The following THOC2 variants were observed in gnomAD, a reference collection of about 807,000 sequenced individuals.
THOC2 encodes the protein THO complex 2.
THOC2 carries 10 observed loss-of-function variants against 128.4 expected under a neutral mutation model. The ratio of observed to expected loss-of-function variants is 0.08; its 90% CI spans 0.05 to 0.13. THOC2 has a LOEUF of 0.13. Among genes scored for constraint, THOC2 ranks in the 10% least tolerant of loss-of-function variants. The pLI, the probability that THOC2 is intolerant of heterozygous loss-of-function variation, is 1.00. For synonymous variants in THOC2, 393 were observed against 396.9 expected (o/e 0.99, Z 0.12); for missense variants, 535 against 1,155.7 (o/e 0.46, Z 7.79).
chrX:123,667,272 C>A lies in THOC2; in HGVS notation c.1024G>T (p.Asp342Tyr). 2 of 1,193,277 alleles carry A rather than the reference C, an allele frequency of 1.7e-6. No homozygotes were observed. The highest frequency in any genetic ancestry group is 2.3e-6 in the Non-Finnish European group (2 of 886,490). ...TCCAACAAGCCAAGTTTTTGGTTATCAGGTGGCTAAAAATGAATAGTCAAA... is the reference window on the plus strand; with the variant it reads ...TCCAACAAGCCAAGTTTTTGGTTATAAGGTGGCTAAAAATGAATAGTCAAA... ...KEEEKVEKPP[D>Y]NQKLGLLEAL... is the part of the protein sequence containing the mutation. Residue 342 changes from aspartate to tyrosine, a missense_variant, in exon 11 of 39, where the codon GAT becomes TAT. Physicochemically the swap from Asp to Tyr is radical, Grantham distance 160 (BLOSUM62 -3). This residue lies in a region of THOC2 where 197 missense variants were observed against 313.4 expected (regional missense o/e 0.63). Transcript: ENST00000245838.
At chrX:123,638,723 CACGT>C (rs1213148945) in intron 17 of THOC2, among the ~76,000 whole-genome samples, 2 of 102,825 alleles carry the variant, frequency 1.9e-5, no homozygotes, top group African/African-American at 7.5e-5. Context: ...CAAAGACACA[CACGT>C]ACACACACAC....
intron 8 of THOC2, among the ~76,000 whole-genome samples, chrX:123,683,600 C>CTT (rs1167414661): frequency 6.0e-5 from 6 of 99,750 alleles, no homozygotes; most frequent in African/African-American, 1.5e-4. Context: ...AATGACAAGA[C>CTT]TTTTTTTTTT....
At chrX:123,652,244 A>C (rs964727986) in intron 12 of THOC2, among the ~76,000 whole-genome samples, 1 of 111,804 alleles carries the variant, frequency 8.9e-6, no homozygotes, top group African/African-American at 3.3e-5. Flanking sequence ...CTTCATGCTA[A>C]AAACTCTCAA....
intron 7 of THOC2, among the ~76,000 whole-genome samples, 174 bp downstream of exon 7, chrX:123,695,847 C>T (rs1162231812): frequency 1.8e-5 from 2 of 110,459 alleles, no homozygotes; most frequent in African/African-American, 3.3e-5. Context: ...AAATATCATG[C>T]TAAATTTTAT....
chrX:123,644,819 C>T lies in THOC2; in HGVS notation c.1519G>A (p.Glu507Lys). 1 of 1,203,968 alleles carries T rather than the reference C, an allele frequency of 8.3e-7. No individual in the cohort carries two copies. Among genetic ancestry groups the T allele is most frequent in the Non-Finnish European group, 1.1e-6 (1 of 889,338 alleles). ...LMDCNACMSE[E>K]LWGMFKTFPY... Reference sequence around the variant, plus strand: ...AATGTTTTAAACATTCCCCATAGTTCCTCAGACATACAAGCATTGCAGTCC... The same window carrying T: ...AATGTTTTAAACATTCCCCATAGTTTCTCAGACATACAAGCATTGCAGTCC... The change falls in exon 14 of 39, where the codon GAA becomes AAA. Residue 507 changes from glutamate (E) to lysine (K), a missense_variant. Physicochemically the swap from Glu to Lys is moderately conservative, Grantham distance 56 (BLOSUM62 1). This residue lies in a region of THOC2 where 197 missense variants were observed against 313.4 expected (regional missense o/e 0.63). Coordinates refer to ENST00000245838, the MANE Select transcript of THOC2 (RefSeq NM_001081550.2).
At chrX:123,609,249 T>A (rs1297586966) in intron 38 of THOC2, among the ~76,000 whole-genome samples, 1 of 112,229 alleles carries the variant, frequency 8.9e-6, no homozygotes, top group East Asian at 2.8e-4. Flanking sequence ...AAGATAGTTG[T>A]AAGGTTGGGA....
At chrX:123,619,559 G>T in intron 32 of THOC2, 123 bp from the exon 33 acceptor site, 1 of 724,602 alleles carries the variant, frequency 1.4e-6, no homozygotes, top group Non-Finnish European at 2.1e-6. Context: ...TAAATTTCAT[G>T]ATGTCATTAT....
At chrX:123,668,557 TC>T (rs753943380) in intron 9 of THOC2, among the ~76,000 whole-genome samples, 1 of 111,915 alleles carries the variant, frequency 8.9e-6, no homozygotes, top group African/African-American at 3.2e-5. Context: ...TCTGACAGAG[TC>T]CCTAAAGTAA....
chrX:123,615,662 C>T (rs865886952), intron 33 of THOC2, among the ~76,000 whole-genome samples: 4 of 106,902 alleles, frequency 3.7e-5, no homozygotes, highest in South Asian at 3.9e-4. Context: ...AAAATACACA[C>T]ACACACACAC....
intron 2 of THOC2, among the ~76,000 whole-genome samples, chrX:123,709,250 A>G (rs891540779): frequency 8.9e-6 from 1 of 112,069 alleles, no homozygotes; most frequent in African/African-American, 3.2e-5. Context: ...AAAATTCAAT[A>G]AAATATTTTA....
chrX:123,629,206 AACAC>A (rs754562050), intron 22 of THOC2, among the ~76,000 whole-genome samples: 1,577 of 81,932 alleles, frequency 0.019, 40 homozygotes, highest in African/African-American at 0.057. Flanking sequence ...ATTATACATG[AACAC>A]ACACACACAC....
intron 1 of THOC2, among the ~76,000 whole-genome samples, chrX:123,724,268 A>C (rs951392405): frequency 2.8e-4 from 31 of 111,931 alleles, no homozygotes; most frequent in Non-Finnish European, 9.4e-5. Context: ...GTGCCTTCTG[A>C]TTATGTCAAT....
intron 1 of THOC2, 107 bp downstream of exon 1, chrX:123,732,844 TG>T: frequency 1.1e-6 from 1 of 871,996 alleles, no homozygotes; most frequent in Non-Finnish European, 1.7e-6. Flanking sequence ...GCCGCCCGGG[TG>T]GGGGAGGGGG....
chrX:123,638,873 A>G (rs961360018), intron 17 of THOC2, 61 bp downstream of exon 17: 7 of 703,211 alleles, frequency 1.0e-5, no homozygotes, highest in East Asian at 7.0e-5. Flanking sequence ...ATGAAAATAA[A>G]ACGTTTACCA....
chrX:123,642,697 A>C (rs2047973050), intron 15 of THOC2, among the ~76,000 whole-genome samples: 1 of 109,694 alleles, frequency 9.1e-6, no homozygotes, highest in Non-Finnish European at 1.9e-5. Flanking sequence ...AGCCTGGGCA[A>C]CATAGTGAGG....
intron 7 of THOC2, among the ~76,000 whole-genome samples, chrX:123,694,413 G>C (rs1260429170): frequency 4.5e-5 from 5 of 109,894 alleles, no homozygotes; most frequent in Non-Finnish European, 9.5e-5. Flanking sequence ...TCATGAGTTT[G>C]AGACCAACCT....
At chrX:123,664,109 T>C (rs777274021) in intron 12 of THOC2, among the ~76,000 whole-genome samples, 1 of 112,118 alleles carries the variant, frequency 8.9e-6, no homozygotes, top group East Asian at 2.8e-4. Context: ...AGCAGCATGA[T>C]TTATAATTCT....
intron 11 of THOC2, among the ~76,000 whole-genome samples, chrX:123,666,330 T>C (rs1421157010): frequency 9.0e-6 from 1 of 111,664 alleles, no homozygotes; most frequent in Non-Finnish European, 1.9e-5. Context: ...AATGTGGTCG[T>C]AGGGAAAGTG....
chrX:123,689,878 G>C (rs1004208143), intron 7 of THOC2, among the ~76,000 whole-genome samples: 3 of 111,302 alleles, frequency 2.7e-5, no homozygotes, highest in African/African-American at 9.8e-5. Flanking sequence ...CATCTTAGAA[G>C]AGCTTTGTCC....
Sources: allele counts gnomAD v4.1 joint callset (sites outside exome capture counted in the v4.1 genomes callset), GRCh38; gene constraint gnomAD v4.1.1; regional missense constraint gnomAD v4.1.1; transcripts MANE v1.5; gene names NCBI Gene and HGNC (gene_info 2026-07-23, HGNC 2026-07-21).